ITGA9: variants seen among roughly 807,000 people sequenced by gnomAD.
ITGA9 encodes integrin subunit alpha 9.
A neutral mutation model predicts 127.8 loss-of-function variants in ITGA9; 56 were observed. The observed-to-expected ratio is 0.44, with a 90% CI of 0.35 to 0.55. ITGA9 has a LOEUF of 0.55. Ranked by LOEUF, ITGA9 falls within the 20% of genes least tolerant of loss-of-function variation. The pLI is 0.00. For synonymous variants in ITGA9, 508 were observed against 514.5 expected (o/e 0.99, Z 0.17); for missense variants, 1,196 against 1,347.1 (o/e 0.89, Z 1.76).
At chr3:37,813,329 A>C (rs1697391128) in intron 27 of ITGA9, among the ~76,000 whole-genome samples, 2 of 152,240 alleles carry the variant, frequency 1.3e-5, no homozygotes, top group African/African-American at 4.8e-5. Flanking sequence ...GATTATTTGT[A>C]CTTGTTAGAT....
intron 18 of ITGA9, among the ~76,000 whole-genome samples, chr3:37,709,587 G>C (rs1184837189): frequency 2.0e-5 from 3 of 152,238 alleles, no homozygotes; most frequent in African/African-American, 7.2e-5. Flanking sequence ...CATTGCGGGA[G>C]GGCTCTTCCT....
chr3:37,556,731 A>G (rs1026394147), intron 15 of ITGA9, among the ~76,000 whole-genome samples: 3 of 152,220 alleles, frequency 2.0e-5, no homozygotes, highest in Admixed American at 2.0e-4. Flanking sequence ...GTTACAGGGG[A>G]AAACGGACAA....
intron 18 of ITGA9, among the ~76,000 whole-genome samples, chr3:37,705,954 T>G (rs556887247): frequency 6.6e-6 from 1 of 152,312 alleles, no homozygotes; most frequent in South Asian, 2.1e-4. Flanking sequence ...AGGCCCCATG[T>G]GGTATCTTCC....
Position 37,495,897 on chromosome 3 carries a change from A to T in ITGA9, c.612+1329A>T, listed in dbSNP as rs914183118. Among the ~76,000 whole-genome samples the T allele has an allele frequency of 2.6e-5, 4 of 151,878 alleles. No homozygotes were observed. In the East Asian group the frequency reaches 5.8e-4, roughly 22 times the overall value. ...CCTTCAAATGAAACCCATCCTTCTG[A>T]CTCCGAGGCTTCCCAGTCCATGGAG... On this transcript the variant is annotated intron_variant, in intron 5 of 27. Coordinates refer to ENST00000264741, the MANE Select transcript of ITGA9 (RefSeq NM_002207.3).
intron 15 of ITGA9, among the ~76,000 whole-genome samples, chr3:37,599,651 C>A (rs575707715): frequency 6.6e-5 from 10 of 152,188 alleles, no homozygotes; most frequent in Non-Finnish European, 1.3e-4. Flanking sequence ...GTGGACTGAG[C>A]CCATGGGCTT....
chr3:37,777,314 G>T, intron 23 of ITGA9, 78 bp from the exon 24 acceptor site: 1 of 1,521,600 alleles, frequency 6.6e-7, no homozygotes, highest in Non-Finnish European at 9.1e-7. Flanking sequence ...TACCACTCCT[G>T]CCTCTACAAT....
At chr3:37,631,169 T>G (rs1700227175) in intron 16 of ITGA9, among the ~76,000 whole-genome samples, 2 of 152,224 alleles carry the variant, frequency 1.3e-5, no homozygotes, top group Non-Finnish European at 2.9e-5. Flanking sequence ...TTACCCAGAC[T>G]CGGGGTCCTG....
rs567405898 is a variant in ITGA9, at chr3:37,527,279, T to G, written c.1373+1208T>G. 5.3e-5 allele frequency among the ~76,000 whole-genome samples: 8 copies of G among 152,328 alleles called. No homozygotes were observed. In the East Asian group the frequency reaches 1.5e-3, roughly 29 times the overall value. On this transcript the variant is annotated intron_variant, in intron 13 of 27. Coordinates refer to ENST00000264741, the MANE Select transcript of ITGA9 (RefSeq NM_002207.3). ...GGAGTGTGCTGCATTCCTATGGCTT[T>G]TGCACCGTTGTGAAGTTGAAAAATC... is the stretch of plus-strand genomic sequence containing the variant.
chr3:37,511,070 G>A (rs370621283), intron 8 of ITGA9, among the ~76,000 whole-genome samples: 24 of 152,242 alleles, frequency 1.6e-4, no homozygotes, highest in African/African-American at 4.6e-4. Flanking sequence ...GAGTCACATA[G>A]ACAGGAGGGT....
At chr3:37,548,563 CTTGA>C (rs1699349862) in intron 15 of ITGA9, among the ~76,000 whole-genome samples, 1 of 151,980 alleles carries the variant, frequency 6.6e-6, no homozygotes, top group Non-Finnish European at 1.5e-5. Context: ...TTCACTATTC[CTTGA>C]TTTATTTAAC....
intron 14 of ITGA9, among the ~76,000 whole-genome samples, chr3:37,535,771 T>G (rs1476288767): frequency 6.6e-6 from 1 of 152,152 alleles, no homozygotes; most frequent in Non-Finnish European, 1.5e-5. Flanking sequence ...TTAAAGGGGA[T>G]GGTAACTGGA....
intron 1 of ITGA9, among the ~76,000 whole-genome samples, chr3:37,454,025 G>A (rs1698231420): frequency 6.6e-6 from 1 of 152,190 alleles, no homozygotes; most frequent in South Asian, 2.1e-4. Context: ...CAGACTCAGG[G>A]TCTGAGGTTG....
intron 16 of ITGA9, among the ~76,000 whole-genome samples, chr3:37,638,599 C>T (rs74721646): frequency 0.01 from 1,574 of 152,238 alleles, 28 homozygotes; most frequent in African/African-American, 0.034. Flanking sequence ...GAGCATCTCA[C>T]CTCTTTCATA....
intron 4 of ITGA9, among the ~76,000 whole-genome samples, chr3:37,490,045 A>AG (rs11434656): frequency 0.39 from 58,966 of 151,482 alleles, 11,545 homozygotes; most frequent in South Asian, 0.56. Context: ...TAAAGAGAGC[A>AG]GACTACGATC....
At chr3:37,693,395 C>G (rs1700852041) in intron 18 of ITGA9, among the ~76,000 whole-genome samples, 1 of 152,170 alleles carries the variant, frequency 6.6e-6, no homozygotes, top group Non-Finnish European at 1.5e-5. Flanking sequence ...GGTCAACTTT[C>G]AAGGCTTTCA....
chr3:37,729,700 C>CTTTTTTTTTT (rs34875348), intron 18 of ITGA9, among the ~76,000 whole-genome samples: 17 of 84,102 alleles, frequency 2.0e-4, no homozygotes, highest in Non-Finnish European at 2.5e-4. Flanking sequence ...TTTTTGATTT[C>CTTTTTTTTTT]TTTTTTTTTT....
intron 15 of ITGA9, among the ~76,000 whole-genome samples, chr3:37,558,769 C>T (rs1699455663): frequency 6.6e-6 from 1 of 152,192 alleles, no homozygotes; most frequent in African/African-American, 2.4e-5. Flanking sequence ...GAAGCATTCC[C>T]ATGCCTTCCA....
At chr3:37,573,913 G>A (rs1699626729) in intron 15 of ITGA9, among the ~76,000 whole-genome samples, 1 of 152,046 alleles carries the variant, frequency 6.6e-6, no homozygotes, top group Admixed American at 6.6e-5. Context: ...GAATGAGCAG[G>A]GCACCAATCT....
At chr3:37,584,082 C>T (rs1252110654) in intron 15 of ITGA9, among the ~76,000 whole-genome samples, 1 of 152,172 alleles carries the variant, frequency 6.6e-6, no homozygotes. Flanking sequence ...TAACAAACTG[C>T]CCCACAACTC....
Sources: allele counts gnomAD v4.1 joint callset (sites outside exome capture counted in the v4.1 genomes callset), GRCh38; gene constraint gnomAD v4.1.1; transcripts MANE v1.5; gene names NCBI Gene and HGNC (gene_info 2026-07-23, HGNC 2026-07-21).